Variants in PDE3B observed in about 807,000 individuals in gnomAD.
PDE3B encodes the protein cGMP-inhibited 3',5'-cyclic phosphodiesterase 3B.
In PDE3B, 66 loss-of-function variants were observed where a neutral mutation model predicts 116.8. That is an observed-to-expected ratio of 0.56 (90% CI 0.46 to 0.69). The LOEUF (loss-of-function observed/expected upper bound fraction) is 0.69, where lower values mean the gene tolerates loss of function less well. PDE3B is among the 30% of genes least tolerant of loss of function. The probability of loss-of-function intolerance (pLI) is 0.00; values close to 1 mark genes in which losing one functional copy is unlikely to be tolerated. For synonymous variants in PDE3B, 595 were observed against 533.6 expected (o/e 1.12, Z -1.59); for missense variants, 1,384 against 1,368.1 (o/e 1.01, Z -0.18).
chr11:14,751,109 G>A (rs533804817), intron 1 of PDE3B, among the ~76,000 whole-genome samples: 1 of 152,130 alleles, frequency 6.6e-6, no homozygotes, highest in Admixed American at 6.6e-5. Context: ...CTCACATTTA[G>A]TCAGAAACAT....
chr11:14,673,985 C>T (rs1854455871), intron 1 of PDE3B: 1 of 1,362,364 alleles, frequency 7.3e-7, no homozygotes, highest in Admixed American at 1.7e-5. Flanking sequence ...GAATGGAATC[C>T]ACATTTCTTC....
At chr11:14,651,155 G>T (rs1422389167) in intron 1 of PDE3B, among the ~76,000 whole-genome samples, 1 of 152,166 alleles carries the variant, frequency 6.6e-6, no homozygotes, top group Non-Finnish European at 1.5e-5. Context: ...TCTGTTCCAT[G>T]TCTTTCTCCT....
chr11:14,827,417 C>G (rs1201761817), intron 7 of PDE3B, among the ~76,000 whole-genome samples: 4 of 152,066 alleles, frequency 2.6e-5, no homozygotes, highest in Non-Finnish European at 5.9e-5. Context: ...CTAGAAAACC[C>G]CGAAGTCTCG....
chr11:14,830,207 A>G (rs1011313262), intron 7 of PDE3B, among the ~76,000 whole-genome samples: 13 of 152,190 alleles, frequency 8.5e-5, no homozygotes, highest in Admixed American at 3.3e-4. Context: ...CTATTTAGCT[A>G]TGAATACTGC....
the PDE3B span, chr11:14,890,871 T>C: frequency 0.084 from 82,369 of 985,164 alleles, 3,872 homozygotes; most frequent in African/African-American, 0.19. Flanking sequence ...CTTGTAAAAA[T>C]TGGTTTAAGT....
chr11:14,879,051 C>A, the PDE3B span: 1 of 1,289,142 alleles, frequency 7.8e-7, no homozygotes, highest in South Asian at 1.2e-5. Flanking sequence ...GATTAAGATG[C>A]TGTATCTAAT....
At chr11:14,886,831 C>G in the PDE3B span, 19 of 152,320 alleles carry the variant, frequency 1.2e-4, no homozygotes, top group African/African-American at 4.6e-4. Flanking sequence ...CAGAAGAAAA[C>G]AGGAGGCTTA....
At chr11:14,780,127 T>G (rs1287678374) in intron 2 of PDE3B, among the ~76,000 whole-genome samples, 3 of 152,096 alleles carry the variant, frequency 2.0e-5, no homozygotes, top group Non-Finnish European at 4.4e-5. Flanking sequence ...ATCCTAAATA[T>G]ATATGCACCC....
intron 2 of PDE3B, among the ~76,000 whole-genome samples, chr11:14,778,595 G>A (rs1346410621): frequency 6.6e-6 from 1 of 152,206 alleles, no homozygotes; most frequent in African/African-American, 2.4e-5. Flanking sequence ...CAGACCTGCA[G>A]CTGAGGTTCC....
downstream of PDE3B, among the ~76,000 whole-genome samples, chr11:14,874,744 TCTC>T (rs567755196): frequency 1.2e-4 from 18 of 152,176 alleles, no homozygotes; most frequent in Non-Finnish European, 2.2e-4. Flanking sequence ...TTTCTCCTCT[TCTC>T]ATTTTTTGTT....
chr11:14,685,446 CTTTTTTTTTT>C (rs71044017), intron 1 of PDE3B, among the ~76,000 whole-genome samples: 18,208 of 86,396 alleles, frequency 0.21, 2,006 homozygotes, highest in African/African-American at 0.37. Context: ...TTTTTCTCAT[CTTTTTTTTTT>C]TTTTTTTTTT....
At chr11:14,799,979 A>G (rs1214042887) in intron 4 of PDE3B, among the ~76,000 whole-genome samples, 1 of 152,120 alleles carries the variant, frequency 6.6e-6, no homozygotes, top group Non-Finnish European at 1.5e-5. Context: ...TTATGATGCT[A>G]GCTGGTTGTT....
chr11:14,797,431 A>G (rs1858591915), intron 4 of PDE3B, among the ~76,000 whole-genome samples: 1 of 152,192 alleles, frequency 6.6e-6, no homozygotes, highest in African/African-American at 2.4e-5. Context: ...TTGGTTCCAT[A>G]TGAAATTTAA....
At chr11:14,740,797 A>G (rs1292377692) in intron 1 of PDE3B, among the ~76,000 whole-genome samples, 1 of 152,052 alleles carries the variant, frequency 6.6e-6, no homozygotes, top group Non-Finnish European at 1.5e-5. Context: ...TCTGATATGT[A>G]GTGTCTTTGT....
chr11:14,784,546 A>G (rs1858134717), intron 2 of PDE3B, among the ~76,000 whole-genome samples: 1 of 152,302 alleles, frequency 6.6e-6, no homozygotes, highest in Non-Finnish European at 1.5e-5. Flanking sequence ...ATACACTCAG[A>G]AACTCTATAA....
intron 1 of PDE3B, among the ~76,000 whole-genome samples, chr11:14,653,527 T>C (rs1366372442): frequency 2.0e-5 from 3 of 151,546 alleles, no homozygotes; most frequent in Admixed American, 1.3e-4. Context: ...ATCATGCCAC[T>C]ACACTCCAGC....
intron 1 of PDE3B, among the ~76,000 whole-genome samples, chr11:14,726,205 C>CTTTG (rs1199937663): frequency 4.6e-5 from 7 of 152,184 alleles, no homozygotes; most frequent in Non-Finnish European, 1.0e-4. Flanking sequence ...AATAAGCCTT[C>CTTTG]TTTGACACCT....
chr11:14,649,150 T>C (rs901717229), intron 1 of PDE3B, among the ~76,000 whole-genome samples: 1 of 152,182 alleles, frequency 6.6e-6, no homozygotes, highest in Non-Finnish European at 1.5e-5. Context: ...TTCATTGTCA[T>C]CAGACTCTGT....
At chr11:14,773,616 TGTG>T (rs1344069550) in intron 2 of PDE3B, 1 of 152,172 alleles carries the variant, frequency 6.6e-6, no homozygotes, top group East Asian at 1.9e-4. Flanking sequence ...AGAATTATTT[TGTG>T]GTCAAATTTT....
Sources: gnomAD v4.1 joint callset for allele counts (sites outside exome capture counted in the v4.1 genomes callset) on GRCh38, gnomAD v4.1.1 for gene constraint, MANE v1.5 for transcripts, NCBI Gene and HGNC (gene_info 2026-07-23, HGNC 2026-07-21) for gene names.